The following BRINP1 variants were observed in gnomAD, a reference collection of about 807,000 sequenced individuals.
BRINP1 encodes BMP/retinoic acid-inducible neural-specific protein 1.
Under a neutral mutation model 72.9 loss-of-function variants are expected in BRINP1, and 17 were observed. That is an observed-to-expected ratio of 0.23 (90% confidence interval 0.16 to 0.35). The LOEUF is 0.35. Ranked by LOEUF, BRINP1 falls within the 10% of genes least tolerant of loss-of-function variation. The pLI is 1.00. For synonymous variants in BRINP1, 418 were observed against 378.5 expected (o/e 1.10, Z -1.21); for missense variants, 850 against 1,001.6 (o/e 0.85, Z 2.04).
intron 2 of BRINP1, among the ~76,000 whole-genome samples, chr9:119,299,250 G>A (rs1026308484): frequency 1.7e-4 from 26 of 151,902 alleles, no homozygotes; most frequent in Non-Finnish European, 2.8e-4. Flanking sequence ...CTCCTCAACC[G>A]TAGACCCTGG....
At chr9:119,323,737 A>T (rs1831212600) in intron 1 of BRINP1, among the ~76,000 whole-genome samples, 1 of 152,224 alleles carries the variant, frequency 6.6e-6, no homozygotes, top group African/African-American at 2.4e-5. Context: ...CTACCTTCTC[A>T]CTTCTCCATT....
At chr9:119,288,246 T>C (rs1471240574) in intron 2 of BRINP1, among the ~76,000 whole-genome samples, 1 of 152,246 alleles carries the variant, frequency 6.6e-6, no homozygotes, top group Admixed American at 6.5e-5. Context: ...ACAGTAGCTT[T>C]CTGTAAATAA....
At chr9:119,235,844 C>A (rs892094857) in intron 5 of BRINP1, among the ~76,000 whole-genome samples, 1 of 152,166 alleles carries the variant, frequency 6.6e-6, no homozygotes, top group East Asian at 1.9e-4. Context: ...GCCTCAATCA[C>A]CCAACCTAAC....
At chr9:119,331,518 G>A (rs1469875594) in intron 1 of BRINP1, among the ~76,000 whole-genome samples, 1 of 152,210 alleles carries the variant, frequency 6.6e-6, no homozygotes, top group Non-Finnish European at 1.5e-5. Context: ...AACATCGGGA[G>A]GTTCCAGTAG....
chr9:119,335,243 C>T (rs1384063364), intron 1 of BRINP1, among the ~76,000 whole-genome samples: 2 of 152,168 alleles, frequency 1.3e-5, no homozygotes, highest in African/African-American at 4.8e-5. Context: ...TTGGTGAGTG[C>T]AGCAAGCACT....
chr9:119,281,446 A>G (rs527380632), intron 2 of BRINP1, among the ~76,000 whole-genome samples: 1 of 152,016 alleles, frequency 6.6e-6, no homozygotes, highest in African/African-American at 2.4e-5. Flanking sequence ...AGGGTGGGAG[A>G]GACAGAGAGA....
chr9:119,311,480 C>T (rs1245696401), intron 2 of BRINP1, among the ~76,000 whole-genome samples: 1 of 152,166 alleles, frequency 6.6e-6, no homozygotes, highest in Non-Finnish European at 1.5e-5. Context: ...GTGTAGGGCT[C>T]AGAATCCTGC....
At chr9:119,200,614 A>C (rs943972370) in intron 7 of BRINP1, among the ~76,000 whole-genome samples, 15 of 145,098 alleles carry the variant, frequency 1.0e-4, no homozygotes, top group Non-Finnish European at 1.8e-4. Context: ...ACAGGGCAGG[A>C]CTCTGCCTCA....
In BRINP1 at chr9:119,369,221, T is replaced by A. The variant is rs955565465; in HGVS notation, c.-216A>T. The A allele has an allele frequency of 2.5e-6, 1 of 398,518 alleles. No homozygotes were observed. The highest frequency in any genetic ancestry group is 2.1e-5 in the African/African-American group (1 of 48,628). 24.7% of individuals were successfully genotyped at this position (398,518 alleles called of 1,614,324 possible). A position where few individuals can be genotyped will look rare whatever the true frequency, so the allele number is the denominator to read the frequency against. On this transcript the variant is annotated 5_prime_UTR_variant, in exon 1 of 8. Transcript: ENST00000265922. ...TAGCAGCCTGGCTCATACTCAGCCG[T>A]AAAGTCCCCTTCGCTGGTCCCGAGG...
At position 119,207,422 on chromosome 9, in the gene BRINP1, C is replaced by A. The variant is rs188958247; in HGVS notation, c.1145+1297G>T. 2.9e-3 allele frequency among the ~76,000 whole-genome samples: 446 copies of A among 152,276 alleles called. 2 individuals carry two copies. Among genetic ancestry groups the A allele is most frequent in the African/African-American group, 0.01 (424 of 41,554 alleles). Reference sequence around the variant, plus strand: ...AAAACTTAAAAAATAATGGCAAAAACCACGATGACTTTTGCATCAACCTAA... The same window carrying A: ...AAAACTTAAAAAATAATGGCAAAAAACACGATGACTTTTGCATCAACCTAA... On this transcript the variant is annotated intron_variant, in intron 7 of 7. Transcript: ENST00000265922.
At chr9:119,364,589 C>A (rs1452557110) in intron 1 of BRINP1, among the ~76,000 whole-genome samples, 1 of 152,182 alleles carries the variant, frequency 6.6e-6, no homozygotes, top group East Asian at 1.9e-4. Flanking sequence ...TAATAGTTAC[C>A]ATTAACTCAG....
intron 1 of BRINP1, among the ~76,000 whole-genome samples, chr9:119,352,241 G>A (rs1381745506): frequency 6.6e-6 from 1 of 152,186 alleles, no homozygotes; most frequent in Admixed American, 6.5e-5. Context: ...GATTAACACA[G>A]TGTTATTAAG....
At chr9:119,341,912 C>T (rs140305166) in intron 1 of BRINP1, among the ~76,000 whole-genome samples, 3,458 of 152,038 alleles carry the variant, frequency 0.023, 143 homozygotes, top group African/African-American at 0.079. Context: ...TATAGGCACA[C>T]GCCACCACAC....
chr9:119,197,758 C>T (rs774297106), intron 7 of BRINP1, among the ~76,000 whole-genome samples: 2 of 152,148 alleles, frequency 1.3e-5, no homozygotes, highest in Non-Finnish European at 2.9e-5. Flanking sequence ...AAGTCAGTTT[C>T]GTTTATTCCC....
intron 3 of BRINP1, among the ~76,000 whole-genome samples, chr9:119,246,091 T>G (rs186092439): frequency 2.6e-5 from 4 of 152,344 alleles, no homozygotes; most frequent in Admixed American, 6.5e-5. Flanking sequence ...ATTTAATTTT[T>G]GCAATATGCA....
At chr9:119,304,437 G>A (rs866180788) in intron 2 of BRINP1, among the ~76,000 whole-genome samples, 1 of 152,162 alleles carries the variant, frequency 6.6e-6, no homozygotes, top group Non-Finnish European at 1.5e-5. Context: ...AGGTGAGCGG[G>A]GAAGAGTCAG....
chr9:119,297,994 T>C (rs1036399162), intron 2 of BRINP1, among the ~76,000 whole-genome samples: 4 of 152,230 alleles, frequency 2.6e-5, no homozygotes, highest in African/African-American at 4.8e-5. Flanking sequence ...ACTCATTATA[T>C]TGAAGCACAA....
rs1443861577 is a variant in BRINP1, at chr9:119,282,712, C to T, written c.218+30426G>A. ...CCTTTGAAAGAAAGAGAAAGGGATTCTGGAAGGGGACTGGGGAACAAGAAT... is the reference window on the plus strand; with the variant it reads ...CCTTTGAAAGAAAGAGAAAGGGATTTTGGAAGGGGACTGGGGAACAAGAAT... On this transcript the variant is annotated intron_variant, in intron 2 of 7. Coordinates refer to ENST00000265922, the MANE Select transcript of BRINP1 (RefSeq NM_014618.3). 5.7e-6 allele frequency: 5 copies of T among 881,044 alleles called. No individual in the cohort carries two copies. In the African/African-American group the frequency reaches 9.1e-5, roughly 16 times the overall value. 54.6% of individuals were successfully genotyped at this position (881,044 alleles called of 1,614,324 possible).
chr9:119,306,299 A>C (rs1830997774), intron 2 of BRINP1, among the ~76,000 whole-genome samples: 1 of 152,224 alleles, frequency 6.6e-6, no homozygotes, highest in African/African-American at 2.4e-5. Context: ...ATTTTAAATA[A>C]TCAACACTAA....
Sources: allele counts gnomAD v4.1 joint callset (sites outside exome capture counted in the v4.1 genomes callset), GRCh38; gene constraint gnomAD v4.1.1; transcripts MANE v1.5; gene names NCBI Gene and HGNC (gene_info 2026-07-23, HGNC 2026-07-21).